The following TMPRSS12 variants were observed in gnomAD, a reference collection of about 807,000 sequenced individuals.
The protein encoded by TMPRSS12 is transmembrane protease serine 12.
TMPRSS12 carries 25 observed loss-of-function variants against 26.0 expected under a neutral mutation model. That is an observed-to-expected ratio of 0.96 (90% CI 0.70 to 1.34). TMPRSS12 has a LOEUF of 1.34. TMPRSS12 is among the 40% of genes most tolerant of loss of function. The pLI is 0.00. For missense variants in TMPRSS12, 441 were observed against 440.1 expected (o/e 1.00, Z -0.02); for synonymous variants, 150 against 161.7 (o/e 0.93, Z 0.55).
chr12:50,870,450 C>T (rs1394177097), intron 3 of TMPRSS12, among the ~76,000 whole-genome samples: 2 of 151,992 alleles, frequency 1.3e-5, no homozygotes, highest in Non-Finnish European at 2.9e-5. Context: ...AGGGATATAC[C>T]TCAATGTAAT....
rs1223079412 is a variant in TMPRSS12, at chr12:50,858,850, A to G, written c.449A>G (p.Lys150Arg). ...ATACATGGACGCTATCCTCATACCA[A>G]GAAGATAAAAATTAAAGCAATCATT... ...NNIHGRYPHT[K>R]KIKIKAIIIH... is the part of the protein sequence containing the mutation. Residue 150 changes from lysine to arginine, a missense_variant, in exon 3 of 5, where the codon AAG becomes AGG. By Grantham distance (26) the Lys-to-Arg change is conservative (BLOSUM62 2). Coordinates refer to ENST00000398458, the MANE Select transcript of TMPRSS12 (RefSeq NM_182559.3). 6.2e-7 allele frequency: 1 copy of G among 1,606,132 alleles called. No individual in the cohort carries two copies. Among genetic ancestry groups the G allele is most frequent in the Non-Finnish European group, 8.5e-7 (1 of 1,175,666 alleles).
At chr12:50,871,744 G>A (rs531523116) in intron 3 of TMPRSS12, among the ~76,000 whole-genome samples, 94 of 151,510 alleles carry the variant, frequency 6.2e-4, no homozygotes, top group Admixed American at 1.6e-3. Context: ...AAATCAGCAA[G>A]CAAAAAAAAT....
At chr12:50,863,002 G>C (rs1937952470) in intron 3 of TMPRSS12, among the ~76,000 whole-genome samples, 1 of 152,020 alleles carries the variant, frequency 6.6e-6, no homozygotes, top group African/African-American at 2.4e-5. Context: ...AGACCAGCCT[G>C]AGCAACATAG....
chr12:50,850,935 TGCTGA>T lies in TMPRSS12; in HGVS notation c.383+6905_383+6909del, dbSNP rs529304417. On this transcript the variant is annotated intron_variant, in intron 2 of 4. Transcript: ENST00000398458. The stretch of plus-strand genomic sequence containing the variant: ...AGGATTAGACCTTATAGCCCAGGCA[TGCTGA>T]GCTGAGTCTTGTCCCCCTAAAATCA... 8.2e-3 allele frequency among the ~76,000 whole-genome samples: 1,248 copies of T among 152,306 alleles called. 21 individuals are homozygous for T. Among genetic ancestry groups the T allele is most frequent in the African/African-American group, 0.028 (1,165 of 41,558 alleles).
chr12:50,885,103 A>G, intron 3 of TMPRSS12, 143 bp from the exon 4 acceptor site: 4 of 681,084 alleles, frequency 5.9e-6, no homozygotes, highest in Non-Finnish European at 9.4e-6. Flanking sequence ...AGGCATACAT[A>G]CATATTCATA....
At chr12:50,858,050 G>T (rs1937898359) in intron 2 of TMPRSS12, among the ~76,000 whole-genome samples, 1 of 152,110 alleles carries the variant, frequency 6.6e-6, no homozygotes, top group South Asian at 2.1e-4. Context: ...CACCATGTTA[G>T]CCAGGATGGT....
intron 3 of TMPRSS12, among the ~76,000 whole-genome samples, chr12:50,868,396 CAA>C (rs1356313279): frequency 6.6e-6 from 1 of 152,064 alleles, no homozygotes; most frequent in Non-Finnish European, 1.5e-5. Context: ...TTAAAAAAGA[CAA>C]AGAGGGACAT....
intron 3 of TMPRSS12, among the ~76,000 whole-genome samples, chr12:50,868,791 A>G (rs1376522716): frequency 1.3e-5 from 2 of 152,202 alleles, no homozygotes; most frequent in African/African-American, 4.8e-5. Flanking sequence ...AAATTATATC[A>G]AGAACTCTCT....
intron 3 of TMPRSS12, among the ~76,000 whole-genome samples, chr12:50,871,238 T>C (rs966011810): frequency 6.6e-6 from 1 of 152,072 alleles, no homozygotes; most frequent in Admixed American, 6.6e-5. Flanking sequence ...GGTACTGGTA[T>C]AAAAATAGGC....
intron 1 of TMPRSS12, 64 bp from the exon 2 acceptor site, chr12:50,843,778 C>A: frequency 6.8e-7 from 1 of 1,463,602 alleles, no homozygotes; most frequent in Non-Finnish European, 9.2e-7. Context: ...TTAATATGTT[C>A]AGCTTAGGAA....
intron 3 of TMPRSS12, among the ~76,000 whole-genome samples, chr12:50,861,527 A>G (rs913625809): frequency 3.3e-5 from 5 of 152,192 alleles, no homozygotes; most frequent in African/African-American, 1.2e-4. Flanking sequence ...CTGAATGACC[A>G]TGGGCATGTT....
intron 2 of TMPRSS12, among the ~76,000 whole-genome samples, chr12:50,857,796 T>TGTTGTTGTTGTCGTTGTTGTC (rs1439960900): frequency 6.7e-6 from 1 of 149,958 alleles, no homozygotes; most frequent in Non-Finnish European, 1.5e-5. Flanking sequence ...TTTTTGTTGT[T>TGTTGTTGTTGTCGTTGTTGTC]GTTGTTGTTG....
chr12:50,887,044 C>A (rs907049823), intron 4 of TMPRSS12: 5 of 463,480 alleles, frequency 1.1e-5, no homozygotes, highest in African/African-American at 8.1e-5. Flanking sequence ...AATTTATCTA[C>A]CAGCTATATG....
At position 50,843,865 on chromosome 12, in the gene TMPRSS12, G is replaced by A. The variant is rs202128923; in HGVS notation, c.211G>A (p.Asp71Asn). Residue 71 changes from aspartate to asparagine, a missense_variant, in exon 2 of 5, where the codon GAT becomes AAT. Asp to Asn is a conservative substitution (Grantham distance 23). Transcript: ENST00000398458. ...AEDCGTAPLK[D>N]VLQGSRIIGG... The stretch of plus-strand genomic sequence containing the variant: ...AGATTGTGGAACAGCACCGCTTAAG[G>A]ATGTGTTGCAAGGGTCTCGGATTAT... 1 of 1,558,366 alleles carries A rather than the reference G, an allele frequency of 6.4e-7. No homozygotes were observed. The highest frequency in any genetic ancestry group is 1.9e-5 in the Admixed American group (1 of 51,518).
chr12:50,862,547 A>G (rs951969631), intron 3 of TMPRSS12, among the ~76,000 whole-genome samples: 26 of 151,768 alleles, frequency 1.7e-4, no homozygotes, highest in African/African-American at 6.1e-4. Flanking sequence ...TTTTTTAAAG[A>G]CAGAGTCTTG....
At chr12:50,857,921 C>G (rs1331430055) in intron 2 of TMPRSS12, among the ~76,000 whole-genome samples, 1 of 151,998 alleles carries the variant, frequency 6.6e-6, no homozygotes, top group Non-Finnish European at 1.5e-5. Flanking sequence ...CCCCGCCTCC[C>G]GGGTTCATGC....
intron 2 of TMPRSS12, among the ~76,000 whole-genome samples, chr12:50,847,187 T>G (rs547349209): frequency 6.6e-6 from 1 of 151,310 alleles, no homozygotes; most frequent in Admixed American, 6.6e-5. Context: ...GCCTCCCGCG[T>G]AGCTGGGACT....
chr12:50,856,913 C>T (rs1385408952), intron 2 of TMPRSS12, among the ~76,000 whole-genome samples: 1 of 152,052 alleles, frequency 6.6e-6, no homozygotes, highest in Non-Finnish European at 1.5e-5. Context: ...TGGGCTCAAA[C>T]TCCTGGGCTC....
At chr12:50,882,760 G>T (rs917225578) in intron 3 of TMPRSS12, among the ~76,000 whole-genome samples, 3 of 152,162 alleles carry the variant, frequency 2.0e-5, no homozygotes, top group African/African-American at 4.8e-5. Context: ...GAGTGTAAAG[G>T]AATTGAATCA....
Sources: allele counts gnomAD v4.1 joint callset (sites outside exome capture counted in the v4.1 genomes callset), GRCh38; gene constraint gnomAD v4.1.1; transcripts MANE v1.5; gene names NCBI Gene and HGNC (gene_info 2026-07-23, HGNC 2026-07-21).